The following VAT1L variants were observed in gnomAD, a reference collection of about 807,000 sequenced individuals.
The protein encoded by VAT1L is putative NADPH-dependent quinone oxidoreductase VAT1L.
In VAT1L, 34 loss-of-function variants were observed where a neutral mutation model predicts 44.1. The observed-to-expected ratio is 0.77, with a 90% confidence interval of 0.59 to 1.03. The LOEUF (loss-of-function observed/expected upper bound fraction) is 1.03. Ranked by LOEUF, VAT1L falls within the 50% of genes least tolerant of loss-of-function variation. The pLI, the probability that VAT1L is intolerant of heterozygous loss-of-function variation, is 0.00. For missense variants in VAT1L, 615 were observed against 538.8 expected (o/e 1.14, Z -1.40); for synonymous variants, 253 against 202.2 (o/e 1.25, Z -2.13).
At chr16:77,839,535 C>CAAAAAAAAAA (rs71137846) in intron 3 of VAT1L, among the ~76,000 whole-genome samples, 20 of 49,082 alleles carry the variant, frequency 4.1e-4, no homozygotes, top group African/African-American at 1.0e-3. Context: ...TACTCCATAT[C>CAAAAAAAAAA]AAAAAAAAAA....
At chr16:77,849,192 CA>C (rs1567486983) in intron 3 of VAT1L, among the ~76,000 whole-genome samples, 4 of 151,852 alleles carry the variant, frequency 2.6e-5, no homozygotes, top group East Asian at 1.9e-4. Flanking sequence ...AGTATAATAA[CA>C]AAAAAAAGTA....
intron 6 of VAT1L, among the ~76,000 whole-genome samples, chr16:77,882,604 C>T (rs2017166968): frequency 6.6e-6 from 1 of 152,212 alleles, no homozygotes; most frequent in South Asian, 2.1e-4. Flanking sequence ...CCTAAAGTCA[C>T]ACAGCTAGTA....
chr16:77,862,353 G>A (rs191584394), intron 3 of VAT1L, among the ~76,000 whole-genome samples: 248 of 152,258 alleles, frequency 1.6e-3, no homozygotes, highest in African/African-American at 5.7e-3. Flanking sequence ...AGTGGCTTGC[G>A]CCTGTAATCC....
chr16:77,844,378 A>G (rs527373164), intron 3 of VAT1L, among the ~76,000 whole-genome samples: 1 of 152,206 alleles, frequency 6.6e-6, no homozygotes, highest in Non-Finnish European at 1.5e-5. Context: ...GGCATAGGTT[A>G]TATGTAATTA....
At chr16:77,913,708 G>A (rs1197491226) in intron 7 of VAT1L, among the ~76,000 whole-genome samples, 2 of 152,140 alleles carry the variant, frequency 1.3e-5, no homozygotes, top group Admixed American at 6.6e-5. Context: ...ATGGTTGGAG[G>A]GGGACAGTCT....
chr16:77,828,984 C>G (rs1567480265), intron 3 of VAT1L, among the ~76,000 whole-genome samples: 1 of 152,210 alleles, frequency 6.6e-6, no homozygotes, highest in African/African-American at 2.4e-5. Context: ...GAAACCGATA[C>G]TACCACTTTC....
intron 7 of VAT1L, among the ~76,000 whole-genome samples, chr16:77,895,812 T>G (rs550821155): frequency 2.1e-4 from 32 of 152,248 alleles, no homozygotes; most frequent in Non-Finnish European, 4.3e-4. Context: ...GGGCCAGGCT[T>G]TGCAAACACA....
intron 7 of VAT1L, among the ~76,000 whole-genome samples, chr16:77,899,540 C>T (rs1351703672): frequency 1.3e-5 from 2 of 152,244 alleles, no homozygotes; most frequent in African/African-American, 2.4e-5. Context: ...GGAAATGCCA[C>T]AGAGTGGGTG....
At chr16:77,912,441 C>G (rs1475405986) in intron 7 of VAT1L, among the ~76,000 whole-genome samples, 3 of 152,006 alleles carry the variant, frequency 2.0e-5, no homozygotes, top group African/African-American at 7.3e-5. Context: ...ACAAGTCTAC[C>G]TTGTTTTTTT....
At chr16:77,793,287 T>A (rs975779188) in intron 1 of VAT1L, among the ~76,000 whole-genome samples, 4 of 151,990 alleles carry the variant, frequency 2.6e-5, no homozygotes, top group South Asian at 2.1e-4. Flanking sequence ...AATTTTTTTT[T>A]AATTTATTTT....
At chr16:77,924,221 AT>A (rs140988512) in intron 7 of VAT1L, among the ~76,000 whole-genome samples, 5,950 of 151,846 alleles carry the variant, frequency 0.039, 399 homozygotes, top group African/African-American at 0.14. Flanking sequence ...AATATTTGCT[AT>A]TTTCTAGGGC....
At chr16:77,922,586 G>A (rs546125726) in intron 7 of VAT1L, among the ~76,000 whole-genome samples, 1 of 152,300 alleles carries the variant, frequency 6.6e-6, no homozygotes, top group South Asian at 2.1e-4. Context: ...GTGCCAGCAA[G>A]GACAGGACTT....
intron 3 of VAT1L, among the ~76,000 whole-genome samples, chr16:77,860,358 C>A (rs1393553762): frequency 6.6e-6 from 1 of 152,090 alleles, no homozygotes; most frequent in Admixed American, 6.5e-5. Flanking sequence ...CAGGTGGAGA[C>A]AAATGCCAAA....
intron 7 of VAT1L, among the ~76,000 whole-genome samples, chr16:77,894,589 C>T (rs571189289): frequency 6.6e-6 from 1 of 152,166 alleles, no homozygotes; most frequent in African/African-American, 2.4e-5. Context: ...GCTGATGGGG[C>T]ATGGCATTTC....
intron 7 of VAT1L, among the ~76,000 whole-genome samples, chr16:77,890,851 G>C (rs1478816474): frequency 2.0e-5 from 3 of 151,750 alleles, no homozygotes; most frequent in Non-Finnish European, 2.9e-5. Context: ...TTGAGTCTTG[G>C]GGGTGGAGGT....
At chr16:77,812,616 C>T (rs1052739839) in intron 1 of VAT1L, among the ~76,000 whole-genome samples, 15 of 152,132 alleles carry the variant, frequency 9.9e-5, no homozygotes, top group Admixed American at 4.6e-4. Flanking sequence ...CAGCTTGTTA[C>T]GAATTTTAAT....
chr16:77,903,198 T>C (rs930993675), intron 7 of VAT1L, among the ~76,000 whole-genome samples: 2 of 152,144 alleles, frequency 1.3e-5, no homozygotes, highest in African/African-American at 4.8e-5. Context: ...GAACCGGAGT[T>C]TTCTCACCTG....
At chr16:77,927,806 T>G (rs1412931044) in intron 7 of VAT1L, among the ~76,000 whole-genome samples, 3 of 151,836 alleles carry the variant, frequency 2.0e-5, no homozygotes, top group Non-Finnish European at 4.4e-5. Flanking sequence ...GAGGTGGAGG[T>G]TACAGTGAGC....
chr16:77,803,186 C>T (rs1437992032), intron 1 of VAT1L, among the ~76,000 whole-genome samples: 1 of 152,158 alleles, frequency 6.6e-6, no homozygotes, highest in East Asian at 1.9e-4. Flanking sequence ...CTACTACTCT[C>T]TCCTCCTTAG....
Sources: gnomAD v4.1 joint callset for allele counts (sites outside exome capture counted in the v4.1 genomes callset) on GRCh38, gnomAD v4.1.1 for gene constraint, MANE v1.5 for transcripts, NCBI Gene and HGNC (gene_info 2026-07-23, HGNC 2026-07-21) for gene names.